The following AGBL1 variants were observed in gnomAD, a reference collection of about 807,000 sequenced individuals.
AGBL1 encodes cytosolic carboxypeptidase 4.
Under a neutral mutation model 118.9 loss-of-function variants are expected in AGBL1, and 130 were observed. That is an observed-to-expected ratio of 1.09 (90% CI 0.95 to 1.26). The LOEUF (loss-of-function observed/expected upper bound fraction) is 1.26. Ranked by LOEUF, AGBL1 falls within the 50% of genes most tolerant of loss-of-function variation. AGBL1 has a pLI of 0.00. For synonymous variants in AGBL1, 555 were observed against 478.9 expected (o/e 1.16, Z -2.08); for missense variants, 1,584 against 1,298.1 (o/e 1.22, Z -3.38).
intron 22 of AGBL1, among the ~76,000 whole-genome samples, chr15:86,889,307 C>T (rs553372435): frequency 1.7e-4 from 22 of 127,648 alleles, no homozygotes; most frequent in Non-Finnish European, 2.1e-4. Flanking sequence ...TAAGTGCTTT[C>T]GGCAAATCTA....
At chr15:86,896,878 T>C (rs1387640854) in intron 22 of AGBL1, among the ~76,000 whole-genome samples, 1 of 151,782 alleles carries the variant, frequency 6.6e-6, no homozygotes, top group East Asian at 1.9e-4. Context: ...ACTCCCCATT[T>C]GTGAGATCTT....
At chr15:86,955,323 C>T (rs1596672044) in intron 23 of AGBL1, among the ~76,000 whole-genome samples, 1 of 151,904 alleles carries the variant, frequency 6.6e-6, no homozygotes, top group African/African-American at 2.4e-5. Context: ...AATGAAAACC[C>T]TGAAGGTTAA....
At chr15:86,503,783 G>A (rs915693463) in intron 18 of AGBL1, among the ~76,000 whole-genome samples, 3 of 151,070 alleles carry the variant, frequency 2.0e-5, no homozygotes, top group Non-Finnish European at 4.4e-5. Context: ...TTTGGTTTTG[G>A]TCAAATAATA....
intron 18 of AGBL1, among the ~76,000 whole-genome samples, chr15:86,424,351 C>G (rs1289875976): frequency 6.6e-6 from 1 of 152,160 alleles, no homozygotes; most frequent in East Asian, 1.9e-4. Flanking sequence ...AAAACTGAAA[C>G]TGGACCTCTT....
intron 17 of AGBL1, among the ~76,000 whole-genome samples, chr15:86,344,561 G>A (rs2080507730): frequency 1.3e-5 from 2 of 151,924 alleles, no homozygotes; most frequent in South Asian, 4.2e-4. Context: ...TTAAGAGTGA[G>A]GGCTCTGAGG....
intron 22 of AGBL1, among the ~76,000 whole-genome samples, chr15:86,790,752 A>G (rs1213377391): frequency 6.6e-6 from 1 of 152,176 alleles, no homozygotes; most frequent in Admixed American, 6.6e-5. Flanking sequence ...CCCTCCTGTC[A>G]TAGACATTCA....
chr15:86,507,655 A>C (rs941026062), intron 18 of AGBL1, among the ~76,000 whole-genome samples: 14 of 152,118 alleles, frequency 9.2e-5, no homozygotes, highest in Non-Finnish European at 1.9e-4. Flanking sequence ...ATGAGATGAC[A>C]TTTGAACAGA....
chr15:86,147,199 G>A (rs978883114), intron 3 of AGBL1, among the ~76,000 whole-genome samples: 27 of 152,292 alleles, frequency 1.8e-4, no homozygotes, highest in South Asian at 6.2e-4. Context: ...CGTGACTGAC[G>A]CAGAAGATGG....
At chr15:86,285,761 T>A (rs1222153230) in intron 16 of AGBL1, among the ~76,000 whole-genome samples, 1 of 152,204 alleles carries the variant, frequency 6.6e-6, no homozygotes, top group Non-Finnish European at 1.5e-5. Flanking sequence ...ATAATAATAA[T>A]AACAAATTAA....
intron 23 of AGBL1, among the ~76,000 whole-genome samples, chr15:86,983,896 G>A (rs180772370): frequency 1.5e-3 from 225 of 152,312 alleles, no homozygotes; most frequent in African/African-American, 5.1e-3. Flanking sequence ...GTTCTGAGTA[G>A]TATTCCACTG....
intron 22 of AGBL1, among the ~76,000 whole-genome samples, chr15:86,860,057 A>G (rs1025875088): frequency 1.3e-5 from 2 of 152,174 alleles, no homozygotes; most frequent in Non-Finnish European, 2.9e-5. Context: ...TCTTTTTGCT[A>G]TACTTTAATG....
In AGBL1 at chr15:86,407,693, C is replaced by G. The variant is rs1420056382; in HGVS notation, c.2555+10147C>G. 2.0e-5 allele frequency among the ~76,000 whole-genome samples: 3 copies of G among 152,146 alleles called. No individual in the cohort carries two copies. The East Asian group carries it at 5.8e-4, about 29-fold the overall frequency. On this transcript the variant is annotated intron_variant, in intron 18 of 22. Coordinates refer to ENST00000614907, the MANE Select transcript of AGBL1 (RefSeq NM_001386094.1). ...ATTCCCTTTTTCTCCTTTTAGTCAT[C>G]ATTTACTGTCTTGAAAGAATTACTG...
chr15:86,145,349 G>A (rs1326717870), intron 3 of AGBL1, among the ~76,000 whole-genome samples: 4 of 152,142 alleles, frequency 2.6e-5, no homozygotes, highest in Admixed American at 1.3e-4. Context: ...CTTTCACCAA[G>A]GAAAACCCTG....
chr15:86,618,022 TA>T lies in AGBL1; in HGVS notation c.2995-56250del, dbSNP rs571475253. Among the ~76,000 whole-genome samples, 13 of 152,298 alleles carry T rather than the reference TA, an allele frequency of 8.5e-5. 1 individual carries two copies. The South Asian group carries it at 2.3e-3, about 27-fold the overall frequency. On this transcript the variant is annotated intron_variant, in intron 21 of 22. Coordinates refer to ENST00000614907, the MANE Select transcript of AGBL1 (RefSeq NM_001386094.1). ...GTAGAAACTGAGCAGGGCTTCCCAC[TA>T]TATTATACTTCTGCCTGAGATTTAA... is the stretch of plus-strand genomic sequence containing the variant.
chr15:86,513,403 A>T lies in AGBL1; in HGVS notation c.2556-9407A>T, dbSNP rs1276604742. 2.6e-5 allele frequency among the ~76,000 whole-genome samples: 4 copies of T among 151,996 alleles called. No homozygotes were observed. The East Asian group carries it at 7.7e-4, about 29-fold the overall frequency. ...GTGATGTTGTACCCTTCTCAGTTGTATCATATCAGGGGCATGTGATGTTGA... is the reference window on the plus strand; with the variant it reads ...GTGATGTTGTACCCTTCTCAGTTGTTTCATATCAGGGGCATGTGATGTTGA... On this transcript the variant is annotated intron_variant, in intron 18 of 22. Coordinates refer to ENST00000614907, the MANE Select transcript of AGBL1 (RefSeq NM_001386094.1).
intron 17 of AGBL1, among the ~76,000 whole-genome samples, chr15:86,389,306 G>C (rs1856240386): frequency 6.6e-6 from 1 of 152,028 alleles, no homozygotes; most frequent in African/African-American, 2.4e-5. Flanking sequence ...CAAGTTTCCA[G>C]GTACCTAAAG....
chr15:86,826,940 A>T (rs2079019193), intron 22 of AGBL1, among the ~76,000 whole-genome samples: 1 of 151,966 alleles, frequency 6.6e-6, no homozygotes, highest in South Asian at 2.1e-4. Context: ...TGTCATAGTA[A>T]TCTGGATGTC....
Position 86,256,833 on chromosome 15 carries a change from A to T in AGBL1, c.736-20A>T. On this transcript the variant is annotated intron_variant, in intron 7 of 22. Coordinates refer to ENST00000614907, the MANE Select transcript of AGBL1 (RefSeq NM_001386094.1). ...CTGTGCCCAGATGTTGGCATCTGAT[A>T]TAATCTTCCCTTTGCTCAGAACTGC... 6.2e-7 allele frequency: 1 copy of T among 1,613,268 alleles called. No homozygotes were observed. Among genetic ancestry groups the T allele is most frequent in the Non-Finnish European group, 8.5e-7 (1 of 1,179,600 alleles).
intron 20 of AGBL1, among the ~76,000 whole-genome samples, chr15:86,547,301 T>A (rs1160765185): frequency 6.6e-6 from 1 of 152,144 alleles, no homozygotes; most frequent in African/African-American, 2.4e-5. Context: ...GTGATACATC[T>A]TGAATCAAAA....
Sources: gnomAD v4.1 joint callset for allele counts (sites outside exome capture counted in the v4.1 genomes callset) on GRCh38, gnomAD v4.1.1 for gene constraint, MANE v1.5 for transcripts, NCBI Gene and HGNC (gene_info 2026-07-23, HGNC 2026-07-21) for gene names.